The following DCHS2 variants were observed in gnomAD, a reference collection of about 807,000 sequenced individuals.
DCHS2 encodes dachsous cadherin-related 2.
A neutral mutation model predicts 182.4 loss-of-function variants in DCHS2; 142 were observed. That is an observed-to-expected ratio of 0.78 (90% CI 0.68 to 0.89). The LOEUF (loss-of-function observed/expected upper bound fraction) is 0.89, where lower values mean the gene tolerates loss of function less well. DCHS2 is among the 40% of genes least tolerant of loss of function. The pLI is 0.00. For missense variants in DCHS2, 4,319 were observed against 4,198.6 expected, an observed-to-expected ratio of 1.03 and a Z score of -0.79; for synonymous variants, 1,740 against 1,663.3, an observed-to-expected ratio of 1.05 and a Z score of -1.12.
chr4:154,321,515 T>G (rs1405733980), intron 8 of DCHS2, among the ~76,000 whole-genome samples: 1 of 152,184 alleles, frequency 6.6e-6, no homozygotes, highest in East Asian at 1.9e-4. Flanking sequence ...TGTAGCCTTG[T>G]GATTCTTCAA....
chr4:154,491,519 T>G lies in DCHS2; in HGVS notation c.-164A>C. On this transcript the variant is annotated 5_prime_UTR_variant, in exon 1 of 20. Coordinates refer to ENST00000357232, the MANE Select transcript of DCHS2 (RefSeq NM_001358235.2). The stretch of plus-strand genomic sequence containing the variant: ...TTCCCGAGGTTACATCTGCAACTGG[T>G]GAAAGCGTCCTCTGCCTGCAGCTCA... The G allele has an allele frequency of 7.2e-7, 1 of 1,398,386 alleles. No individual in the cohort carries two copies. Among genetic ancestry groups the G allele is most frequent in the South Asian group, 1.7e-5 (1 of 57,332 alleles). The allele number at this position is 1,398,386 out of a possible 1,614,324, so 86.6% of individuals were successfully genotyped here. A position where few individuals can be genotyped will look rare whatever the true frequency, so the allele number is the denominator to read the frequency against.
chr4:154,342,459 T>C (rs1729153407), intron 3 of DCHS2, among the ~76,000 whole-genome samples: 2 of 152,230 alleles, frequency 1.3e-5, no homozygotes, highest in African/African-American at 4.8e-5. Flanking sequence ...TTTATCCACA[T>C]TAGAACTTCT....
At chr4:154,318,821 G>C (rs1216386052) in intron 9 of DCHS2, among the ~76,000 whole-genome samples, 1 of 152,046 alleles carries the variant, frequency 6.6e-6, no homozygotes, top group Non-Finnish European at 1.5e-5. Flanking sequence ...AATCTCAGTG[G>C]CATTTGTTGT....
chr4:154,446,105 C>T (rs1734275114), intron 1 of DCHS2, among the ~76,000 whole-genome samples: 1 of 152,194 alleles, frequency 6.6e-6, no homozygotes, highest in African/African-American at 2.4e-5. Context: ...ATGAGTCTAA[C>T]TCTCCTATGT....
intron 1 of DCHS2, among the ~76,000 whole-genome samples, chr4:154,467,937 T>A: frequency 6.6e-6 from 1 of 152,144 alleles, no homozygotes; most frequent in East Asian, 1.9e-4. Flanking sequence ...GAAACAGTTT[T>A]GAAGATACAT....
At chr4:154,403,763 T>C (rs1732289247) in intron 1 of DCHS2, among the ~76,000 whole-genome samples, 1 of 152,202 alleles carries the variant, frequency 6.6e-6, no homozygotes, top group Non-Finnish European at 1.5e-5. Flanking sequence ...GAGTGGGTAA[T>C]TATTAAAAAT....
chr4:154,391,424 G>T (rs540215689), intron 1 of DCHS2: 2 of 1,335,238 alleles, frequency 1.5e-6, no homozygotes, highest in Non-Finnish European at 2.0e-6. Flanking sequence ...TAAAGAAAGC[G>T]TTCAAAACTA....
At chr4:154,375,417 G>A (rs1318928283) in intron 2 of DCHS2, among the ~76,000 whole-genome samples, 1 of 151,944 alleles carries the variant, frequency 6.6e-6, no homozygotes, top group Non-Finnish European at 1.5e-5. Context: ...AATATATGCA[G>A]TAAATATATC....
chr4:154,302,983 A>AT (rs1181161750), intron 12 of DCHS2, among the ~76,000 whole-genome samples: 35,697 of 103,678 alleles, frequency 0.34, 7,010 homozygotes, highest in East Asian at 0.52. Context: ...ACACACACAT[A>AT]TTTTTTTTTT....
At chr4:154,413,912 T>G (rs1248883707) in intron 1 of DCHS2, among the ~76,000 whole-genome samples, 1 of 152,190 alleles carries the variant, frequency 6.6e-6, no homozygotes, top group Non-Finnish European at 1.5e-5. Context: ...TTATACTAAT[T>G]TGCATGCTCT....
At chr4:154,461,737 C>T (rs1443302675) in intron 1 of DCHS2, among the ~76,000 whole-genome samples, 3 of 151,870 alleles carry the variant, frequency 2.0e-5, no homozygotes, top group Non-Finnish European at 4.4e-5. Context: ...CCTTTGTGCT[C>T]TTAAGATTAT....
chr4:154,373,803 C>G (rs1730754423), intron 2 of DCHS2: 1 of 789,744 alleles, frequency 1.3e-6, no homozygotes, highest in African/African-American at 1.8e-5. Context: ...AAATCACAGC[C>G]AAGATGGAGA....
At chr4:154,301,136 CCCAAATAAAT>C (rs1673897396) in intron 12 of DCHS2, among the ~76,000 whole-genome samples, 1 of 152,188 alleles carries the variant, frequency 6.6e-6, no homozygotes, top group Non-Finnish European at 1.5e-5. Flanking sequence ...CTCCCTCTCA[CCCAAATAAAT>C]GGCTGCCAAA....
rs750629300 is a variant in DCHS2 at position 154,236,025 on chromosome 4, A to G, written c.8627T>C (p.Phe2876Ser). Residue 2876 changes from phenylalanine (F) to serine (S), a missense_variant, in exon 20 of 20, where the codon TTT (phenylalanine) becomes TCT (serine). Transcript: ENST00000357232. Reference protein sequence around the residue: ...VWVDIEGIDEFEPIFTQDQYF... With the variant: ...VWVDIEGIDESEPIFTQDQYF... ...CTGATCTTGAGTGAAAATGGGCTCAAATTCATCTATCCCTTCAATATCCAC... is the reference window on the plus strand; with the variant it reads ...CTGATCTTGAGTGAAAATGGGCTCAGATTCATCTATCCCTTCAATATCCAC... The G allele has an allele frequency of 2.7e-5, 44 of 1,613,958 alleles. No individual in the cohort carries two copies. In the Admixed American group the frequency reaches 6.3e-4, roughly 23 times the overall value.
At chr4:154,350,696 G>A (rs989751596) in intron 3 of DCHS2, among the ~76,000 whole-genome samples, 4 of 151,670 alleles carry the variant, frequency 2.6e-5, no homozygotes, top group Non-Finnish European at 4.4e-5. Flanking sequence ...TTGATTTTTA[G>A]GCAACACTTA....
At chr4:154,409,760 C>T (rs182738985) in intron 1 of DCHS2, among the ~76,000 whole-genome samples, 155 of 152,188 alleles carry the variant, frequency 1.0e-3, no homozygotes, top group African/African-American at 3.7e-3. Flanking sequence ...AAGAGGGATC[C>T]CCTCAACTAA....
chr4:154,261,693 A>C (rs12506027), intron 14 of DCHS2: 4 of 151,948 alleles, frequency 2.6e-5, no homozygotes, highest in Non-Finnish European at 4.4e-5. Context: ...GGAAAAAAAA[A>C]CAATATATAT....
chr4:154,434,026 C>T (rs1733672288), intron 1 of DCHS2, among the ~76,000 whole-genome samples: 1 of 152,236 alleles, frequency 6.6e-6, no homozygotes, highest in Non-Finnish European at 1.5e-5. Context: ...TGAAGATAGT[C>T]AATCCAAATA....
rs1731469245 is a variant in DCHS2, at chr4:154,236,002, G to C, written c.8650C>G (p.Gln2884Glu). Residue 2884 changes from glutamine (Q) to glutamate (E), a missense_variant, in exon 20 of 20, where the codon CAG (glutamine) becomes GAG (glutamate). By Grantham distance (29) the Gln-to-Glu change is conservative (BLOSUM62 2). Transcript: ENST00000357232. ...DEFEPIFTQDQYFFTLPEKNK... is the reference protein window; with the variant it reads ...DEFEPIFTQDEYFFTLPEKNK... ...TTTTCTGGGAGGGTGAAAAAATACT[G>C]ATCTTGAGTGAAAATGGGCTCAAAT... The C allele has an allele frequency of 6.2e-7, 1 of 1,613,932 alleles. No homozygotes were observed. The highest frequency in any genetic ancestry group is 8.5e-7 in the Non-Finnish European group (1 of 1,179,944).
Sources: allele counts gnomAD v4.1 joint callset (sites outside exome capture counted in the v4.1 genomes callset), GRCh38; gene constraint gnomAD v4.1.1; transcripts MANE v1.5; gene names NCBI Gene and HGNC (gene_info 2026-07-23, HGNC 2026-07-21).